The following SNX31 variants were observed in gnomAD, a reference collection of about 807,000 sequenced individuals.
SNX31 encodes the protein sorting nexin 31, also known as sorting nexin-31.
A neutral mutation model predicts 65.4 loss-of-function variants in SNX31; 58 were observed. The observed-to-expected ratio is 0.89, with a 90% CI of 0.72 to 1.10. The LOEUF (loss-of-function observed/expected upper bound fraction) is 1.10. Ranked by LOEUF, SNX31 falls within the 50% of genes least tolerant of loss-of-function variation. The pLI, the probability that SNX31 is intolerant of heterozygous loss-of-function variation, is 0.00. For missense variants in SNX31, 523 were observed against 529.7 expected (o/e 0.99, Z 0.12); for synonymous variants, 181 against 190.1 (o/e 0.95, Z 0.39).
At chr8:100,650,928 C>T (rs1819953075), upstream of SNX31, among the ~76,000 whole-genome samples, 1 of 150,950 alleles carries the variant, frequency 6.6e-6, no homozygotes, top group Non-Finnish European at 1.5e-5. Flanking sequence ...TCTCAGCTCA[C>T]CACAACCTCT....
intron 10 of SNX31, among the ~76,000 whole-genome samples, chr8:100,591,433 G>A (rs369886506): frequency 2.9e-4 from 43 of 149,780 alleles, no homozygotes; most frequent in African/African-American, 9.4e-4. Context: ...AGCTTGCAGT[G>A]AGCCGAGATC....
rs750060916 is a variant in SNX31, at chr8:100,600,455, A to G, written c.682-14T>C. The stretch of plus-strand genomic sequence containing the variant: ...GTCCTGTATTGCCTTAAAATAACAT[A>G]AGTTGTAAAATTAGCAGTCTTAGCA... On this transcript the variant is annotated splice_polypyrimidine_tract_variant and intron_variant, in intron 8 of 13. Transcript: ENST00000311812. 3.2e-5 allele frequency: 52 copies of G among 1,601,546 alleles called. No homozygotes were observed. The highest frequency in any genetic ancestry group is 4.3e-5 in the Non-Finnish European group (51 of 1,173,292).
At chr8:100,607,301 GGCGGT>G (rs1816255305) in intron 8 of SNX31, among the ~76,000 whole-genome samples, 1 of 152,218 alleles carries the variant, frequency 6.6e-6, no homozygotes, top group African/African-American at 2.4e-5. Context: ...CTCCGAAGAT[GGCGGT>G]GTGGTGAGTG....
chr8:100,608,448 A>G (rs372217048), intron 8 of SNX31, 46 bp downstream of exon 8: 1 of 1,590,188 alleles, frequency 6.3e-7, no homozygotes, highest in Non-Finnish European at 8.6e-7. Context: ...CCAAGCCAAC[A>G]TGGCCTATGA....
At chr8:100,638,190 GC>G (rs1365697944) in intron 2 of SNX31, among the ~76,000 whole-genome samples, 1 of 152,098 alleles carries the variant, frequency 6.6e-6, no homozygotes, top group Non-Finnish European at 1.5e-5. Flanking sequence ...TCATTCCACT[GC>G]CTTTCTCAAA....
chr8:100,606,383 G>A (rs1003838764), intron 8 of SNX31, among the ~76,000 whole-genome samples: 2 of 152,130 alleles, frequency 1.3e-5, no homozygotes, highest in African/African-American at 4.8e-5. Flanking sequence ...TGAACTCAAA[G>A]CTATATTCTA....
chr8:100,613,013 TG>T lies in SNX31; in HGVS notation c.504del (p.Lys169ArgfsTer8). 4 of 1,614,018 alleles carry T rather than the reference TG, an allele frequency of 2.5e-6. No individual in the cohort carries two copies. The highest frequency in any genetic ancestry group is 3.4e-6 in the Non-Finnish European group (4 of 1,179,962). The stretch of plus-strand genomic sequence containing the variant: ...TTCTTACCAGAGAGCTTGCCCTCCT[TG>T]CCAAACCGAATGAGAAAGAGGCCGA... ...GYFGLFLIRF[G>X]KEGKLSVVKK... On this transcript the variant is annotated frameshift_variant, in exon 6 of 14. Coordinates refer to ENST00000311812, the MANE Select transcript of SNX31 (RefSeq NM_152628.4). LOFTEE classifies it high-confidence loss of function. The surrounding 1 kb of genome is among the most constrained non-coding windows in gnomAD (Gnocchi z 5.2).
rs1050682876 is a variant in SNX31 at position 100,597,490 on chromosome 8, G to A, written c.775-648C>T. Among the ~76,000 whole-genome samples the A allele has an allele frequency of 2.0e-5, 3 of 152,206 alleles. No homozygotes were observed. The East Asian group carries it at 5.8e-4, about 29-fold the overall frequency. On this transcript the variant is annotated intron_variant, in intron 9 of 13. Coordinates refer to ENST00000311812, the MANE Select transcript of SNX31 (RefSeq NM_152628.4). The stretch of plus-strand genomic sequence containing the variant: ...CTCCCGACCTTGTCGTGATCCACCT[G>A]CCTGAGCCTCCCAAAGTGCTGGGAT...
intron 2 of SNX31, among the ~76,000 whole-genome samples, chr8:100,645,558 A>T (rs1009487620): frequency 6.6e-6 from 1 of 150,532 alleles, no homozygotes; most frequent in Non-Finnish European, 1.5e-5. Flanking sequence ...TAATTGGGAG[A>T]CTTTGTATTT....
chr8:100,617,989 C>T lies in SNX31; in HGVS notation c.322-259G>A, dbSNP rs538896649. On this transcript the variant is annotated intron_variant, in intron 4 of 13. Coordinates refer to ENST00000311812, the MANE Select transcript of SNX31 (RefSeq NM_152628.4). ...CTGTGTTGGCCAGGCTGGTCTCAAA[C>T]TCCTGACCTCAGGTGATCCACCCTC... 15 of 739,928 alleles carry T rather than the reference C, an allele frequency of 2.0e-5. No individual in the cohort carries two copies. The East Asian group carries it at 6.5e-4, about 32-fold the overall frequency. The allele number at this position is 739,928 out of a possible 1,614,324, so 45.8% of individuals were successfully genotyped here. A position where few individuals can be genotyped will look rare whatever the true frequency, so the allele number is the denominator to read the frequency against.
chr8:100,630,437 GC>G lies in SNX31; in HGVS notation c.257-47del, dbSNP rs773907501. The G allele has an allele frequency of 8.1e-5, 126 of 1,554,616 alleles. No homozygotes were observed. The highest frequency in any genetic ancestry group is 6.2e-6 in the Non-Finnish European group (7 of 1,137,434). ...GCCAGGTTAGCATGGGCTGGGCTGG[GC>G]CCTGCCTATTAATTGCTATGTCCTC... On this transcript the variant is annotated intron_variant, in intron 3 of 13. Transcript: ENST00000311812. This position sits in a 1 kb window ranked among gnomAD's most constrained non-coding sequence, Gnocchi z 5.3.
intron 10 of SNX31, among the ~76,000 whole-genome samples, chr8:100,595,867 G>C (rs1307943533): frequency 6.6e-6 from 1 of 152,204 alleles, no homozygotes; most frequent in African/African-American, 2.4e-5. Flanking sequence ...AATGATGCTA[G>C]AATGCAATGC....
Position 100,625,830 on chromosome 8 carries a change from G to A in SNX31, c.321+4497C>T, listed in dbSNP as rs1818007891. The stretch of plus-strand genomic sequence containing the variant: ...CCCCACTGGACACCACCTAGTGGCA[G>A]GGGATGCTGAAGAGATGTACAGACA... On this transcript the variant is annotated intron_variant, in intron 4 of 13. Transcript: ENST00000311812. The surrounding 1 kb of genome is among the most constrained non-coding windows in gnomAD (Gnocchi z 4.2). Among the ~76,000 whole-genome samples, 1 of 152,202 alleles carries A rather than the reference G, an allele frequency of 6.6e-6. No individual in the cohort carries two copies. The highest frequency in any genetic ancestry group is 2.4e-5 in the African/African-American group (1 of 41,448).
At chr8:100,600,514 T>A in intron 8 of SNX31, 73 bp from the exon 9 acceptor site, 1 of 1,226,726 alleles carries the variant, frequency 8.2e-7, no homozygotes, top group Non-Finnish European at 1.2e-6. Context: ...CATACTCTTG[T>A]ATGAAGGGAT....
intron 10 of SNX31, among the ~76,000 whole-genome samples, chr8:100,591,488 C>CAAAA (rs71274986): frequency 2.5e-4 from 19 of 77,406 alleles, no homozygotes; most frequent in African/African-American, 4.8e-4. Context: ...GACTCCGTCT[C>CAAAA]AAAAAAAAAA....
rs1301709578 is a variant in SNX31, at chr8:100,622,097, C to T, written c.322-4367G>A. Among the ~76,000 whole-genome samples the T allele has an allele frequency of 1.3e-5, 2 of 152,200 alleles. No individual in the cohort carries two copies. Among genetic ancestry groups the T allele is most frequent in the Non-Finnish European group, 2.9e-5 (2 of 68,042 alleles). On this transcript the variant is annotated intron_variant, in intron 4 of 13. Coordinates refer to ENST00000311812, the MANE Select transcript of SNX31 (RefSeq NM_152628.4). The surrounding 1 kb of genome is among the most constrained non-coding windows in gnomAD (Gnocchi z 5.0). ...GGCCTTGACAATGAAAATAACCTGA[C>T]TAATCGGAAGTAGTTGAGTTCTACC...
chr8:100,617,599 T>C lies in SNX31; in HGVS notation c.432+21A>G. The C allele has an allele frequency of 3.3e-6, 5 of 1,498,026 alleles. No homozygotes were observed. In the South Asian group the frequency reaches 5.7e-5, roughly 17 times the overall value. 92.8% of individuals were successfully genotyped at this position (1,498,026 alleles called of 1,614,324 possible). ...CCATCCCTAGATTCAGTTCTGGAGC[T>C]GGAGTTTAAACAAAGCTTACCTCTA... On this transcript the variant is annotated intron_variant, in intron 5 of 13. Transcript: ENST00000311812.
At chr8:100,589,215 C>G (rs551528130) in intron 10 of SNX31, among the ~76,000 whole-genome samples, 1 of 150,342 alleles carries the variant, frequency 6.7e-6, no homozygotes, top group East Asian at 2.0e-4. Flanking sequence ...GCAGGAGAAC[C>G]ACTTGCACTA....
At chr8:100,592,899 C>T (rs1213174776) in intron 10 of SNX31, among the ~76,000 whole-genome samples, 2 of 152,142 alleles carry the variant, frequency 1.3e-5, no homozygotes, top group Admixed American at 6.5e-5. Flanking sequence ...CATTAATATA[C>T]GGGTCGGAGT....
Sources: gnomAD v4.1 joint callset for allele counts (sites outside exome capture counted in the v4.1 genomes callset) on GRCh38, gnomAD v4.1.1 for gene constraint, Gnocchi (gnomAD v3.1) non-coding constraint, MANE v1.5 for transcripts, NCBI Gene and HGNC (gene_info 2026-07-23, HGNC 2026-07-21) for gene names.